The following ITSN2 variants were observed in gnomAD, a reference collection of about 807,000 sequenced individuals.
ITSN2 encodes the protein intersectin 2, also known as intersectin-2.
ITSN2 carries 156 observed loss-of-function variants against 243.7 expected under a neutral mutation model. That is an observed-to-expected ratio of 0.64 (90% CI 0.56 to 0.73). ITSN2 has a LOEUF of 0.73. ITSN2 is among the 30% of genes least tolerant of loss of function. The pLI, the probability that ITSN2 is intolerant of heterozygous loss-of-function variation, is 0.00. For synonymous variants in ITSN2, 703 were observed against 699.9 expected, an observed-to-expected ratio of 1.00 and a Z score of -0.07; for missense variants, 1,801 against 1,996.1, an observed-to-expected ratio of 0.90 and a Z score of 1.86.
intron 1 of ITSN2, among the ~76,000 whole-genome samples, chr2:24,332,555 A>G (rs1685906790): frequency 6.6e-6 from 1 of 152,216 alleles, no homozygotes. Flanking sequence ...CATAGGTACC[A>G]TATTATATGT....
chr2:24,340,668 G>A (rs1434217831), intron 1 of ITSN2, among the ~76,000 whole-genome samples: 1 of 151,878 alleles, frequency 6.6e-6, no homozygotes. Context: ...ATGGAATTAT[G>A]TAGCCCGTTG....
chr2:24,312,235 G>C lies in ITSN2; in HGVS notation c.329C>G (p.Ser110Cys). 1 of 1,610,180 alleles carries C rather than the reference G, an allele frequency of 6.2e-7. No homozygotes were observed. Among genetic ancestry groups the C allele is most frequent in the African/African-American group, 1.3e-5 (1 of 74,902 alleles). Residue 110 changes from serine to cysteine, a missense_variant, in exon 5 of 40, where the codon TCT (serine) becomes TGT (cysteine). Ser to Cys is a moderately radical substitution (Grantham distance 112). Around this residue, in one of 5 missense-constraint regions of ITSN2, gnomAD observed 787 missense variants for 803.9 expected, o/e 0.98. Coordinates refer to ENST00000355123, the MANE Select transcript of ITSN2 (RefSeq NM_006277.3). ...ACCAAAACGAGCAGAAATTAATGGAGAAAACATAGGGGGTTGCTTCATAAT... is the reference window on the plus strand; with the variant it reads ...ACCAAAACGAGCAGAAATTAATGGACAAAACATAGGGGGTTGCTTCATAAT... ...PPIMKQPPMFSPLISARFGMG... is the reference protein window; with the variant it reads ...PPIMKQPPMFCPLISARFGMG...
intron 13 of ITSN2, 59 bp downstream of exon 13, chr2:24,298,606 T>G (rs1574209003): frequency 6.6e-7 from 1 of 1,515,618 alleles, no homozygotes; most frequent in East Asian, 2.3e-5. Context: ...CACAATTACA[T>G]TTTTCAACAG....
rs1669756270 is a variant in ITSN2 at position 24,214,229 on chromosome 2, AT to A, written c.3991-1482del. Among the ~76,000 whole-genome samples the A allele has an allele frequency of 2.0e-5, 3 of 152,370 alleles. No homozygotes were observed. In the South Asian group the frequency reaches 6.2e-4, roughly 32 times the overall value. On this transcript the variant is annotated intron_variant, in intron 32 of 39. Coordinates refer to ENST00000355123, the MANE Select transcript of ITSN2 (RefSeq NM_006277.3). ...CTTTAATTAAGAGTTTAACAGCTGT[AT>A]TTGTAAATGATAGTGGGTTTTAACT... is the stretch of plus-strand genomic sequence containing the variant.
chr2:24,227,224 C>G (rs561762712), intron 29 of ITSN2, among the ~76,000 whole-genome samples: 2 of 150,754 alleles, frequency 1.3e-5, no homozygotes, highest in African/African-American at 4.9e-5. Context: ...GAGGGTCACA[C>G]TCACAACTGT....
Position 24,319,091 on chromosome 2 carries a change from T to C in ITSN2, c.32-3867A>G, listed in dbSNP as rs371164499. 1.7e-4 allele frequency among the ~76,000 whole-genome samples: 26 copies of C among 152,142 alleles called. No individual in the cohort carries two copies. In the South Asian group the frequency reaches 2.9e-3, roughly 17 times the overall value. On this transcript the variant is annotated intron_variant, in intron 2 of 39. Transcript: ENST00000355123. ...ACCCTACCACAAATCTGTGGAAAAA[T>C]TGTCTTCCATGAAACTGGTCCCTGG... is the stretch of plus-strand genomic sequence containing the variant.
At position 24,210,796 on chromosome 2, in the gene ITSN2, C is replaced by T. The variant is rs1669412845; in HGVS notation, c.4241G>A (p.Cys1414Tyr). 1 of 1,613,972 alleles carries T rather than the reference C, an allele frequency of 6.2e-7. No individual in the cohort carries two copies. Among genetic ancestry groups the T allele is most frequent in the Non-Finnish European group, 8.5e-7 (1 of 1,179,940 alleles). Reference protein sequence around the residue: ...RLEWIQAHVQCEGLAEQLIFN... With the variant: ...RLEWIQAHVQYEGLAEQLIFN... ...AGGCCTGACCTCCGCGAGGCCTTCA[C>T]ACTGCACGTGCGCCTGGATCCACTC... Residue 1414 changes from cysteine to tyrosine, a missense_variant, in exon 34 of 40, where the codon TGT (cysteine) becomes TAT (tyrosine). This residue lies in a region of ITSN2 where 928 missense variants were observed against 1,065.4 expected (regional missense o/e 0.87). Coordinates refer to ENST00000355123, the MANE Select transcript of ITSN2 (RefSeq NM_006277.3).
At chr2:24,331,900 T>C (rs1685829407) in intron 1 of ITSN2, among the ~76,000 whole-genome samples, 1 of 152,232 alleles carries the variant, frequency 6.6e-6, no homozygotes, top group African/African-American at 2.4e-5. Context: ...GTTCACAGCA[T>C]CAGATGAAGA....
intron 2 of ITSN2, among the ~76,000 whole-genome samples, chr2:24,324,422 C>T (rs964241681): frequency 4.6e-5 from 7 of 151,952 alleles, no homozygotes; most frequent in African/African-American, 7.3e-5. Context: ...ATTACTATCT[C>T]CTGACATTTC....
At chr2:24,312,787 T>C (rs893707848) in intron 4 of ITSN2, among the ~76,000 whole-genome samples, 1 of 152,194 alleles carries the variant, frequency 6.6e-6, no homozygotes, top group Non-Finnish European at 1.5e-5. Flanking sequence ...TGTTACTTAT[T>C]GTAAACGTTT....
At chr2:24,273,116 C>T (rs1056620814) in intron 18 of ITSN2, among the ~76,000 whole-genome samples, 1 of 152,162 alleles carries the variant, frequency 6.6e-6, no homozygotes. Flanking sequence ...TCCTTAATTC[C>T]TGAAGGAATC....
intron 30 of ITSN2, among the ~76,000 whole-genome samples, chr2:24,219,223 C>T (rs1305690335): frequency 1.3e-5 from 2 of 152,244 alleles, no homozygotes; most frequent in African/African-American, 2.4e-5. Context: ...TCCAACAGGA[C>T]TCTGAATTCC....
At chr2:24,281,707 A>G (rs1390730492) in intron 17 of ITSN2, among the ~76,000 whole-genome samples, 2 of 152,250 alleles carry the variant, frequency 1.3e-5, no homozygotes, top group Non-Finnish European at 2.9e-5. Context: ...CTAAGCTTGC[A>G]TATCTGCACT....
chr2:24,298,317 C>T (rs962250225), intron 13 of ITSN2, among the ~76,000 whole-genome samples: 71 of 152,190 alleles, frequency 4.7e-4, no homozygotes, highest in African/African-American at 1.6e-3. Context: ...ACCACCACTC[C>T]TGGCTAATTT....
At chr2:24,265,026 C>T (rs1352368167) in intron 20 of ITSN2, among the ~76,000 whole-genome samples, 5 of 152,002 alleles carry the variant, frequency 3.3e-5, no homozygotes, top group African/African-American at 9.7e-5. Flanking sequence ...CCTGGTCTCA[C>T]GCAATCTTCC....
chr2:24,289,964 C>T (rs1374094522), intron 15 of ITSN2, among the ~76,000 whole-genome samples: 2 of 152,006 alleles, frequency 1.3e-5, no homozygotes, highest in South Asian at 2.1e-4. Flanking sequence ...TCATAAATGG[C>T]CTTTATTATG....
chr2:24,289,601 G>T (rs559472042), intron 15 of ITSN2, among the ~76,000 whole-genome samples: 2 of 152,050 alleles, frequency 1.3e-5, no homozygotes, highest in South Asian at 4.2e-4. Flanking sequence ...CCTTTTTCTT[G>T]TCTGAGTAGT....
intron 29 of ITSN2, among the ~76,000 whole-genome samples, chr2:24,226,390 C>T (rs1469238897): frequency 6.6e-6 from 1 of 152,194 alleles, no homozygotes; most frequent in Non-Finnish European, 1.5e-5. Flanking sequence ...AATGTCCTCT[C>T]TCCAGAAGAG....
chr2:24,265,144 G>C (rs577169270), intron 20 of ITSN2, among the ~76,000 whole-genome samples: 10 of 152,268 alleles, frequency 6.6e-5, no homozygotes, highest in African/African-American at 2.4e-4. Flanking sequence ...AATTTGAGAA[G>C]AACAGACTTC....
Sources: allele counts gnomAD v4.1 joint callset (sites outside exome capture counted in the v4.1 genomes callset), GRCh38; gene constraint gnomAD v4.1.1; regional missense constraint gnomAD v4.1.1; transcripts MANE v1.5; gene names NCBI Gene and HGNC (gene_info 2026-07-23, HGNC 2026-07-21).